CDH11: variants seen among roughly 807,000 people sequenced by gnomAD.
The protein encoded by CDH11 is cadherin-11.
A neutral mutation model predicts 67.8 loss-of-function variants in CDH11; 11 were observed. That is an observed-to-expected ratio of 0.16 (90% CI 0.10 to 0.27). The LOEUF (loss-of-function observed/expected upper bound fraction) is 0.27. CDH11 is among the 10% of genes least tolerant of loss of function. The pLI, the probability that CDH11 is intolerant of heterozygous loss-of-function variation, is 1.00. For synonymous variants in CDH11, 419 were observed against 400.0 expected (o/e 1.05, Z -0.57); for missense variants, 847 against 1,031.2 (o/e 0.82, Z 2.45).
rs1005867119 is a variant in CDH11, at chr16:64,996,077, A to C, written c.523+2485T>G. 9.9e-5 allele frequency among the ~76,000 whole-genome samples: 15 copies of C among 152,226 alleles called. 1 individual carries two copies. Among genetic ancestry groups the C allele is most frequent in the African/African-American group, 3.6e-4 (15 of 41,468 alleles). ...CTAGTTAGAATAGCTATGATTAAAA[A>C]GTCAAAAAATAACATGCTGGTGAGG... On this transcript the variant is annotated intron_variant, in intron 4 of 12. Transcript: ENST00000268603.
intron 2 of CDH11, among the ~76,000 whole-genome samples, chr16:65,047,184 T>C (rs1344381484): frequency 2.0e-5 from 3 of 152,100 alleles, no homozygotes; most frequent in African/African-American, 4.8e-5. Flanking sequence ...GTGGAGGAAG[T>C]AGCTATATGG....
Position 64,991,780 on chromosome 16 carries a change from T to C in CDH11, c.799A>G (p.Lys267Glu), listed in dbSNP as rs1306979792. Residue 267 changes from lysine (K) to glutamate (E), a missense_variant, in exon 6 of 13, where the codon AAG (lysine) becomes GAG (glutamate). Coordinates refer to ENST00000268603, the MANE Select transcript of CDH11 (RefSeq NM_001797.4). Reference protein sequence around the residue: ...TLTDVNDNPPKFPQSVYQMSV... With the variant: ...TLTDVNDNPPEFPQSVYQMSV... ...TCCACCTACTTACTCTGCGGAAACTTTGGTGGGTTGTCATTGACATCGGTC... is the reference window on the plus strand; with the variant it reads ...TCCACCTACTTACTCTGCGGAAACTCTGGTGGGTTGTCATTGACATCGGTC... 6.2e-7 allele frequency: 1 copy of C among 1,613,040 alleles called. No individual in the cohort carries two copies. The highest frequency in any genetic ancestry group is 8.5e-7 in the Non-Finnish European group (1 of 1,179,194).
chr16:65,034,360 C>A (rs920930791), intron 2 of CDH11, among the ~76,000 whole-genome samples: 1 of 152,154 alleles, frequency 6.6e-6, no homozygotes, highest in African/African-American at 2.4e-5. Flanking sequence ...ATTTGTGGAA[C>A]TTTGTTTCAA....
At position 64,944,545 on chromosome 16, in the gene CDH11, A is replaced by G. The variant is rs572678481; in HGVS notation, c.*3058T>C. 4.3e-6 allele frequency: 1 copy of G among 232,726 alleles called. No individual in the cohort carries two copies. Among genetic ancestry groups the G allele is most frequent in the Non-Finnish European group, 8.5e-6 (1 of 117,746 alleles). The allele number at this position is 232,726 out of a possible 1,614,324, so 14.4% of individuals were successfully genotyped here. A position where few individuals can be genotyped will look rare whatever the true frequency, so the allele number is the denominator to read the frequency against. On this transcript the variant is annotated 3_prime_UTR_variant, in exon 13 of 13. Transcript: ENST00000268603. ...CCCCCATTCACCCCCATTGTCTTAT[A>G]AAGTTTCTCAAAAAGATGTGAAGGA... is the stretch of plus-strand genomic sequence containing the variant.
At chr16:64,962,503 T>C (rs2071699186) in intron 11 of CDH11, among the ~76,000 whole-genome samples, 2 of 151,976 alleles carry the variant, frequency 1.3e-5, no homozygotes, top group African/African-American at 4.8e-5. Context: ...AATTGACAAA[T>C]TGATGGAGGC....
Position 65,058,178 on chromosome 16 carries a change from C to T in CDH11, c.-297-4250G>A, listed in dbSNP as rs190637320. 1.3e-3 allele frequency among the ~76,000 whole-genome samples: 199 copies of T among 152,178 alleles called. No homozygotes were observed. In the South Asian group the frequency reaches 0.022, roughly 17 times the overall value. ...TCGAGGCTGCAGTGAGCCAAAATAG[C>T]GCCACGGTACTCCAGCCTGGGTGAC... On this transcript the variant is annotated intron_variant, in intron 1 of 12. Transcript: ENST00000268603.
At chr16:65,027,603 G>C (rs1014825311) in intron 2 of CDH11, among the ~76,000 whole-genome samples, 1 of 152,200 alleles carries the variant, frequency 6.6e-6, no homozygotes, top group Non-Finnish European at 1.5e-5. Context: ...TGTAAACCAT[G>C]AACTTGGGCA....
At chr16:65,115,722 CA>C (rs959719329) in intron 1 of CDH11, among the ~76,000 whole-genome samples, 3 of 87,288 alleles carry the variant, frequency 3.4e-5, no homozygotes, top group Non-Finnish European at 8.2e-5. Flanking sequence ...AAAAAAAAAA[CA>C]AAAAAACAAA....
chr16:64,960,600 G>A (rs1233642341), intron 11 of CDH11, among the ~76,000 whole-genome samples: 1 of 152,138 alleles, frequency 6.6e-6, no homozygotes, highest in Non-Finnish European at 1.5e-5. Flanking sequence ...AGACTTAAAG[G>A]AGGAGGGATA....
At chr16:64,948,516 T>C (rs974739273) in intron 12 of CDH11, 3 of 1,063,690 alleles carry the variant, frequency 2.8e-6, no homozygotes. Context: ...GCAGAGCCCT[T>C]AGGGCCTACC....
intron 2 of CDH11, among the ~76,000 whole-genome samples, chr16:65,026,041 G>A (rs1318791500): frequency 2.6e-5 from 4 of 152,178 alleles, no homozygotes; most frequent in African/African-American, 9.7e-5. Flanking sequence ...GGTGAACAAA[G>A]CTCCAGGGTG....
chr16:65,035,467 C>G (rs1007647685), intron 2 of CDH11, among the ~76,000 whole-genome samples: 5 of 152,184 alleles, frequency 3.3e-5, no homozygotes, highest in Admixed American at 6.5e-5. Context: ...AGCAGTGCCC[C>G]TGCTAGAAAG....
At chr16:65,037,289 C>A (rs1375417877) in intron 2 of CDH11, among the ~76,000 whole-genome samples, 1 of 152,182 alleles carries the variant, frequency 6.6e-6, no homozygotes, top group Non-Finnish European at 1.5e-5. Flanking sequence ...TTCCCCACCA[C>A]CCCGATTTCC....
intron 2 of CDH11, among the ~76,000 whole-genome samples, chr16:65,018,920 C>T (rs549703070): frequency 3.3e-5 from 5 of 152,240 alleles, no homozygotes; most frequent in East Asian, 1.9e-4. Context: ...TTACAGCAGC[C>T]GCAGTCAAAG....
chr16:65,016,330 TTTAAG>T (rs1351027204), intron 2 of CDH11, among the ~76,000 whole-genome samples: 1 of 152,202 alleles, frequency 6.6e-6, no homozygotes, highest in Non-Finnish European at 1.5e-5. Flanking sequence ...GGGATTTTTT[TTTAAG>T]TTAAGGGTAA....
intron 11 of CDH11, among the ~76,000 whole-genome samples, chr16:64,958,966 G>A (rs1597016277): frequency 6.6e-6 from 1 of 152,056 alleles, no homozygotes; most frequent in Non-Finnish European, 1.5e-5. Context: ...TGTGAAGGAG[G>A]CAAGAAGAAA....
chr16:64,999,183 ATGTT>A (rs1327839367), intron 3 of CDH11, among the ~76,000 whole-genome samples: 1 of 152,220 alleles, frequency 6.6e-6, no homozygotes, highest in Non-Finnish European at 1.5e-5. Context: ...AAATAAATGT[ATGTT>A]TATTTTTAAA....
chr16:65,008,322 T>C (rs2073105880), intron 2 of CDH11, among the ~76,000 whole-genome samples: 1 of 152,194 alleles, frequency 6.6e-6, no homozygotes, highest in Non-Finnish European at 1.5e-5. Context: ...GAATACTGAA[T>C]CAATTTGCTT....
At chr16:65,084,712 A>G (rs1157531767) in intron 1 of CDH11, among the ~76,000 whole-genome samples, 1 of 152,174 alleles carries the variant, frequency 6.6e-6, no homozygotes, top group Non-Finnish European at 1.5e-5. Flanking sequence ...CAGCTACACA[A>G]GTGCTTTACA....
Sources: gnomAD v4.1 joint callset for allele counts (sites outside exome capture counted in the v4.1 genomes callset) on GRCh38, gnomAD v4.1.1 for gene constraint, MANE v1.5 for transcripts, NCBI Gene and HGNC (gene_info 2026-07-23, HGNC 2026-07-21) for gene names.